Variants in CEP295 observed in about 807,000 individuals in gnomAD.
The protein encoded by CEP295 is centrosomal protein 295, also known as centrosomal protein of 295 kDa.
In CEP295, 190 loss-of-function variants were observed where a neutral mutation model predicts 291.6. The ratio of observed to expected loss-of-function variants is 0.65; its 90% CI spans 0.58 to 0.73. The LOEUF (loss-of-function observed/expected upper bound fraction) is 0.73, where lower values mean the gene tolerates loss of function less well. Among genes scored for constraint, CEP295 ranks in the 30% least tolerant of loss-of-function variants. The probability of loss-of-function intolerance (pLI) is 0.00; values close to 1 mark genes in which losing one functional copy is unlikely to be tolerated. For missense variants in CEP295, 2,863 were observed against 2,949.4 expected (o/e 0.97, Z 0.68); for synonymous variants, 993 against 1,038.8 (o/e 0.96, Z 0.85).
intron 18 of CEP295, among the ~76,000 whole-genome samples, chr11:93,712,129 C>T (rs1430493555): frequency 6.6e-6 from 1 of 152,030 alleles, no homozygotes; most frequent in Non-Finnish European, 1.5e-5. Flanking sequence ...TGTCTGGATG[C>T]TCCAGTGTTG....
At chr11:93,677,687 G>T (rs563231038) in intron 6 of CEP295, among the ~76,000 whole-genome samples, 36 of 152,186 alleles carry the variant, frequency 2.4e-4, no homozygotes, top group Admixed American at 3.3e-4. Context: ...TAACTGTATT[G>T]TTTGTGGTGA....
chr11:93,728,030 TCA>T (rs1166522197), intron 24 of CEP295: 2 of 170,442 alleles, frequency 1.2e-5, no homozygotes, highest in East Asian at 1.7e-4. Context: ...TTCAGCACTT[TCA>T]GTGTTGAGCC....
intron 10 of CEP295, among the ~76,000 whole-genome samples, chr11:93,690,729 CAAAAAAAAAAAAAAA>C (rs10608060): frequency 1.5e-5 from 1 of 68,366 alleles, no homozygotes; most frequent in Non-Finnish European, 2.7e-5. Flanking sequence ...GACTCCGTCT[CAAAAAAAAAAAAAAA>C]AAAAAAAAAG....
At chr11:93,719,837 C>G (rs1001387379) in intron 18 of CEP295, 1 of 152,112 alleles carries the variant, frequency 6.6e-6, no homozygotes, top group African/African-American at 2.4e-5. Context: ...TTCAGTGAAG[C>G]AGTTTTAATT....
At chr11:93,715,539 C>T (rs1042142830) in intron 18 of CEP295, among the ~76,000 whole-genome samples, 4 of 152,102 alleles carry the variant, frequency 2.6e-5, no homozygotes, top group Non-Finnish European at 5.9e-5. Flanking sequence ...CTTCCCTCTG[C>T]TTTTCTCAAG....
intron 1 of CEP295, among the ~76,000 whole-genome samples, chr11:93,663,277 G>A (rs1171145602): frequency 6.6e-6 from 1 of 152,174 alleles, no homozygotes; most frequent in Admixed American, 6.5e-5. Flanking sequence ...TCTAAGAGGG[G>A]TCTACCCATT....
chr11:93,678,324 T>G (rs1211892558), intron 6 of CEP295, among the ~76,000 whole-genome samples: 1 of 152,172 alleles, frequency 6.6e-6, no homozygotes, highest in Non-Finnish European at 1.5e-5. Context: ...TAATCTAACT[T>G]TTTTTGTCTT....
chr11:93,695,736 C>T (rs149562310), intron 13 of CEP295, 102 bp downstream of exon 13: 74 of 1,338,102 alleles, frequency 5.5e-5, no homozygotes, highest in East Asian at 3.9e-4. Flanking sequence ...GATGGCTGGG[C>T]GCGGTGGCTC....
rs1274094882 is a variant in CEP295, at chr11:93,729,174, A to G, written c.7303-260A>G. Reference sequence around the variant, plus strand: ...CTAGGGGAGTAGGGAGGCAATAAGAATAAAGCTATCTAAACAGAGGCCTAG... The same window carrying G: ...CTAGGGGAGTAGGGAGGCAATAAGAGTAAAGCTATCTAAACAGAGGCCTAG... On this transcript the variant is annotated intron_variant, in intron 25 of 29. Coordinates refer to ENST00000325212, the MANE Select transcript of CEP295 (RefSeq NM_033395.2). 7.4e-6 allele frequency: 4 copies of G among 541,154 alleles called. No homozygotes were observed. In the African/African-American group the frequency reaches 7.6e-5, roughly 10 times the overall value. The allele number at this position is 541,154 out of a possible 1,614,324, so 33.5% of individuals were successfully genotyped here. A position where few individuals can be genotyped will look rare whatever the true frequency, so the allele number is the denominator to read the frequency against.
chr11:93,724,466 T>TA (rs1953989405), intron 22 of CEP295, 91 bp downstream of exon 22: 2 of 1,268,410 alleles, frequency 1.6e-6, no homozygotes, highest in African/African-American at 3.0e-5. Context: ...TCTAAACCCT[T>TA]ACCTAGAATC....
intron 17 of CEP295, among the ~76,000 whole-genome samples, 165 bp downstream of exon 17, chr11:93,703,084 C>T (rs561486260): frequency 2.0e-5 from 3 of 152,184 alleles, no homozygotes; most frequent in Admixed American, 6.5e-5. Flanking sequence ...CTGCCTCAGC[C>T]TCCCGAGTAG....
Position 93,696,961 on chromosome 11 carries a change from A to C in CEP295, c.2049A>C (p.Pro683=). 6.4e-7 allele frequency: 1 copy of C among 1,551,952 alleles called. No homozygotes were observed. The highest frequency in any genetic ancestry group is 8.7e-7 in the Non-Finnish European group (1 of 1,147,040). ...HFQVARQNHF[P]QRQVETTETL... The stretch of plus-strand genomic sequence containing the variant: ...AGGTAGCGAGACAAAATCACTTTCC[A>C]CAAAGACAGGTGGAAACAACAGAAA... Residue 683 remains proline, a synonymous_variant, in exon 15 of 30, where the codon CCA becomes CCC. Coordinates refer to ENST00000325212, the MANE Select transcript of CEP295 (RefSeq NM_033395.2).
At chr11:93,705,416 G>C (rs1952450648) in intron 17 of CEP295, among the ~76,000 whole-genome samples, 1 of 152,142 alleles carries the variant, frequency 6.6e-6, no homozygotes, top group African/African-American at 2.4e-5. Context: ...ATAAGGTTGA[G>C]AAATACTGAT....
At chr11:93,722,776 T>C in intron 20 of CEP295, 1 of 299,902 alleles carries the variant, frequency 3.3e-6, no homozygotes, top group Non-Finnish European at 6.3e-6. Context: ...TTTTTTCTTT[T>C]GAGATGGAGT....
At position 93,699,954 on chromosome 11, in the gene CEP295, C is replaced by G; in HGVS notation, c.5042C>G (p.Pro1681Arg). 6.4e-7 allele frequency: 1 copy of G among 1,551,722 alleles called. No homozygotes were observed. Residue 1681 changes from proline to arginine, a missense_variant, in exon 15 of 30, where the codon CCC (proline) becomes CGC (arginine). This residue lies in a region of CEP295 where 2,295 missense variants were observed against 2,335.7 expected (regional missense o/e 0.98). Coordinates refer to ENST00000325212, the MANE Select transcript of CEP295 (RefSeq NM_033395.2). Reference protein sequence around the residue: ...LYSSQNEHAAPPSNPVIPGFQ... With the variant: ...LYSSQNEHAARPSNPVIPGFQ... ...TCATCCCAGAATGAACATGCAGCCC[C>G]CCCAAGTAATCCTGTGATCCCAGGG...
chr11:93,707,343 A>G (rs1210077402), intron 18 of CEP295, among the ~76,000 whole-genome samples: 2 of 152,192 alleles, frequency 1.3e-5, no homozygotes, highest in Non-Finnish European at 2.9e-5. Flanking sequence ...GCCAATGTTA[A>G]TCTTCTCGCT....
intron 1 of CEP295, among the ~76,000 whole-genome samples, chr11:93,664,357 CT>C (rs1950117056): frequency 6.6e-6 from 1 of 152,202 alleles, no homozygotes; most frequent in African/African-American, 2.4e-5. Flanking sequence ...AGATTCTTCC[CT>C]TGGCTCCGCC....
chr11:93,727,973 G>A (rs1937618860), intron 24 of CEP295: 1 of 184,650 alleles, frequency 5.4e-6, no homozygotes, highest in Admixed American at 5.7e-5. Flanking sequence ...TCCCAATTCA[G>A]ATATCCTTTC....
In CEP295 at chr11:93,696,710, A is replaced by G. The variant is rs1426212384; in HGVS notation, c.1798A>G (p.Arg600Gly). Residue 600 changes from arginine (R) to glycine (G), a missense_variant, in exon 15 of 30, where the codon AGG becomes GGG. Transcript: ENST00000325212. ...ACACAGGCAGTCTGTTGAAACAGCCAGGAAACAATTACTTGAATATCAAAC... is the reference window on the plus strand; with the variant it reads ...ACACAGGCAGTCTGTTGAAACAGCCGGGAAACAATTACTTGAATATCAAAC... The part of the protein sequence containing the change: ...RLHRQSVETA[R>G]KQLLEYQTML... 3.9e-6 allele frequency: 6 copies of G among 1,550,346 alleles called. No individual in the cohort carries two copies. The South Asian group carries it at 7.2e-5, about 19-fold the overall frequency.
Sources: allele counts gnomAD v4.1 joint callset (sites outside exome capture counted in the v4.1 genomes callset), GRCh38; gene constraint gnomAD v4.1.1; regional missense constraint gnomAD v4.1.1; transcripts MANE v1.5; gene names NCBI Gene and HGNC (gene_info 2026-07-23, HGNC 2026-07-21).